EDIL3: variants seen among roughly 807,000 people sequenced by gnomAD.
The protein encoded by EDIL3 is EGF like and discoidin domains 3, also known as EGF-like repeat and discoidin I-like domain-containing protein 3.
In EDIL3, 37 loss-of-function variants were observed where a neutral mutation model predicts 67.4. The observed-to-expected ratio is 0.55, with a 90% CI of 0.42 to 0.72. The LOEUF (loss-of-function observed/expected upper bound fraction) is 0.72, where lower values mean the gene tolerates loss of function less well. Ranked by LOEUF, EDIL3 falls within the 30% of genes least tolerant of loss-of-function variation. The pLI, the probability that EDIL3 is intolerant of heterozygous loss-of-function variation, is 0.00. For missense variants in EDIL3, 527 were observed against 586.3 expected, an observed-to-expected ratio of 0.90 and a Z score of 1.04; for synonymous variants, 195 against 196.3, an observed-to-expected ratio of 0.99 and a Z score of 0.05.
chr5:84,201,688 T>G (rs1261522867), intron 3 of EDIL3, among the ~76,000 whole-genome samples: 4 of 152,154 alleles, frequency 2.6e-5, no homozygotes, highest in Non-Finnish European at 5.9e-5. Flanking sequence ...CTATAAATGT[T>G]GTATAAACTA....
intron 1 of EDIL3, among the ~76,000 whole-genome samples, chr5:84,326,382 G>A (rs927546595): frequency 6.6e-5 from 10 of 152,036 alleles, no homozygotes; most frequent in South Asian, 2.1e-4. Flanking sequence ...AGGAGCTGAC[G>A]GGAGAAGGGA....
intron 9 of EDIL3, among the ~76,000 whole-genome samples, chr5:84,020,007 C>T (rs1201937773): frequency 7.5e-6 from 1 of 132,746 alleles, no homozygotes; most frequent in African/African-American, 2.8e-5. Flanking sequence ...CGGAACGTTG[C>T]AATTAATGGT....
intron 1 of EDIL3, among the ~76,000 whole-genome samples, chr5:84,352,240 G>C (rs1365796097): frequency 6.6e-6 from 1 of 152,098 alleles, no homozygotes; most frequent in African/African-American, 2.4e-5. Context: ...TTCTTAAAGA[G>C]CCAAAGATAG....
At position 84,344,162 on chromosome 5, in the gene EDIL3, A is replaced by C. The variant is rs75912247; in HGVS notation, c.67+40146T>G. On this transcript the variant is annotated intron_variant, in intron 1 of 10. Transcript: ENST00000296591. Reference sequence around the variant, plus strand: ...CCAGTATAGACACAAAGTTTGCAAAAATCCAAAATGCCCACGGAACACCTG... The same window carrying C: ...CCAGTATAGACACAAAGTTTGCAAACATCCAAAATGCCCACGGAACACCTG... Among the ~76,000 whole-genome samples the C allele has an allele frequency of 2.0e-3, 307 of 152,216 alleles. 2 individuals carry two copies. Among genetic ancestry groups the C allele is most frequent in the African/African-American group, 7.1e-3 (294 of 41,522 alleles).
chr5:84,148,545 T>C (rs535150233), intron 4 of EDIL3, among the ~76,000 whole-genome samples: 1 of 152,130 alleles, frequency 6.6e-6, no homozygotes, highest in South Asian at 2.1e-4. Context: ...AAGACTTAAA[T>C]TGGGGTTGGT....
intron 3 of EDIL3, among the ~76,000 whole-genome samples, chr5:84,206,298 T>C (rs1259009322): frequency 1.3e-5 from 2 of 152,158 alleles, no homozygotes; most frequent in African/African-American, 4.8e-5. Flanking sequence ...TAATTTCTGT[T>C]CTTTTACATT....
chr5:84,312,464 G>A (rs1356062036), intron 1 of EDIL3, among the ~76,000 whole-genome samples: 1 of 146,394 alleles, frequency 6.8e-6, no homozygotes, highest in Non-Finnish European at 1.5e-5. Context: ...CGGCCGGGCA[G>A]AGGCGCTCCT....
chr5:84,149,243 C>T (rs1400369869), intron 4 of EDIL3, among the ~76,000 whole-genome samples: 40 of 152,128 alleles, frequency 2.6e-4, no homozygotes, highest in Non-Finnish European at 5.9e-5. Flanking sequence ...CACTGCCGTG[C>T]TCTCTAAAGT....
intron 3 of EDIL3, among the ~76,000 whole-genome samples, chr5:84,198,969 C>T (rs748518847): frequency 2.6e-5 from 4 of 151,940 alleles, no homozygotes; most frequent in Non-Finnish European, 5.9e-5. Context: ...TTAAGACCTC[C>T]GTGTAAAGAA....
At chr5:84,172,635 AG>A (rs1203187499) in intron 4 of EDIL3, among the ~76,000 whole-genome samples, 2 of 152,100 alleles carry the variant, frequency 1.3e-5, no homozygotes, top group Non-Finnish European at 2.9e-5. Flanking sequence ...AAAGAAAAAG[AG>A]GAAAGAATGA....
chr5:84,039,443 T>C (rs1746080892), intron 9 of EDIL3, among the ~76,000 whole-genome samples: 1 of 152,162 alleles, frequency 6.6e-6, no homozygotes, highest in Admixed American at 6.5e-5. Flanking sequence ...ACTTTTGATG[T>C]GGAAGTCAAT....
intron 1 of EDIL3, among the ~76,000 whole-genome samples, chr5:84,272,152 A>G (rs950705968): frequency 2.6e-5 from 4 of 152,128 alleles, no homozygotes; most frequent in Non-Finnish European, 5.9e-5. Flanking sequence ...TGAAGAAGGA[A>G]ATATAATTAT....
At chr5:83,987,546 TA>T (rs1408073465) in intron 9 of EDIL3, among the ~76,000 whole-genome samples, 1 of 152,168 alleles carries the variant, frequency 6.6e-6, no homozygotes, top group Non-Finnish European at 1.5e-5. Flanking sequence ...TTAGGTGTGC[TA>T]GAAAATGCAG....
chr5:83,990,926 T>A (rs911594787), intron 9 of EDIL3, among the ~76,000 whole-genome samples: 32 of 135,278 alleles, frequency 2.4e-4, no homozygotes, highest in African/African-American at 8.0e-4. Flanking sequence ...AATAAATAAA[T>A]AAAATAAAAG....
chr5:84,194,318 C>T (rs238371), intron 3 of EDIL3, among the ~76,000 whole-genome samples: 95,910 of 151,632 alleles, frequency 0.63, 30,835 homozygotes, highest in East Asian at 0.76. Context: ...TGCTTGACTA[C>T]ACATCTAAAA....
rs922685878 is a variant in EDIL3 at position 83,981,383 on chromosome 5, G to A, written c.1138-18023C>T. Reference sequence around the variant, plus strand: ...TAAAAATGGGATAATGTTAACTTTTGTTAAATTTGAGTATTATATCATTCT... The same window carrying A: ...TAAAAATGGGATAATGTTAACTTTTATTAAATTTGAGTATTATATCATTCT... On this transcript the variant is annotated intron_variant, in intron 9 of 10. Coordinates refer to ENST00000296591, the MANE Select transcript of EDIL3 (RefSeq NM_005711.5). Among the ~76,000 whole-genome samples the A allele has an allele frequency of 2.0e-4, 31 of 152,062 alleles. 1 individual carries two copies. The highest frequency in any genetic ancestry group is 3.4e-3 in the Middle Eastern group (1 of 294).
chr5:83,999,957 A>G (rs1413988773), intron 9 of EDIL3, among the ~76,000 whole-genome samples: 1 of 152,236 alleles, frequency 6.6e-6, no homozygotes, highest in Non-Finnish European at 1.5e-5. Flanking sequence ...TTTTCAGTGG[A>G]AACTTTACAG....
intron 9 of EDIL3, among the ~76,000 whole-genome samples, chr5:84,059,616 C>T (rs1746507402): frequency 6.6e-6 from 1 of 152,134 alleles, no homozygotes; most frequent in Non-Finnish European, 1.5e-5. Context: ...AAGAACAGAA[C>T]TCGTATCTTT....
At chr5:83,960,436 C>T (rs1744588257) in intron 10 of EDIL3, among the ~76,000 whole-genome samples, 1 of 150,882 alleles carries the variant, frequency 6.6e-6, no homozygotes, top group Non-Finnish European at 1.5e-5. Flanking sequence ...TGATGGATAT[C>T]CCAATAACGC....
Sources: gnomAD v4.1 joint callset for allele counts (sites outside exome capture counted in the v4.1 genomes callset) on GRCh38, gnomAD v4.1.1 for gene constraint, MANE v1.5 for transcripts, NCBI Gene and HGNC (gene_info 2026-07-23, HGNC 2026-07-21) for gene names.